RNF180: variants seen among roughly 807,000 people sequenced by gnomAD.
RNF180 encodes the protein E3 ubiquitin-protein ligase RNF180.
In RNF180, 38 loss-of-function variants were observed where a neutral mutation model predicts 59.2. The ratio of observed to expected loss-of-function variants is 0.64; its 90% CI spans 0.50 to 0.84. The LOEUF is 0.84. Among genes scored for constraint, RNF180 ranks in the 40% least tolerant of loss-of-function variants. The pLI is 0.00. For missense variants in RNF180, 705 were observed against 700.9 expected (o/e 1.01, Z -0.07); for synonymous variants, 262 against 240.3 (o/e 1.09, Z -0.84).
intron 5 of RNF180, among the ~76,000 whole-genome samples, chr5:64,269,338 C>T (rs1461590388): frequency 2.6e-5 from 4 of 152,050 alleles, no homozygotes; most frequent in South Asian, 2.1e-4. Context: ...CCTGGGCCCA[C>T]GCAATCTGTT....
chr5:64,197,550 T>C (rs1319326728), intron 1 of RNF180, among the ~76,000 whole-genome samples: 1 of 152,174 alleles, frequency 6.6e-6, no homozygotes, highest in Non-Finnish European at 1.5e-5. Flanking sequence ...TTTACCACCA[T>C]ATAGATGCAA....
intron 2 of RNF180, among the ~76,000 whole-genome samples, chr5:64,206,756 C>T (rs1270231070): frequency 6.6e-6 from 1 of 152,118 alleles, no homozygotes; most frequent in Non-Finnish European, 1.5e-5. Flanking sequence ...TCCAATAGGA[C>T]TGTGGCTCTA....
chr5:64,213,758 G>T lies in RNF180; in HGVS notation c.432G>T (p.Gln144His). 6.2e-7 allele frequency: 1 copy of T among 1,614,140 alleles called. No individual in the cohort carries two copies. ...AATACTTGTCACATCCTAGAGTTCA[G>T]TCAGGTTGTGACAAGGAAGCTCTGC... is the stretch of plus-strand genomic sequence containing the variant. The part of the protein sequence containing the change: ...SVKYLSHPRV[Q>H]SGCDKEALLT... Residue 144 changes from glutamine (Q) to histidine (H), a missense_variant, in exon 4 of 8, where the codon CAG becomes CAT. Coordinates refer to ENST00000389100, the MANE Select transcript of RNF180 (RefSeq NM_001113561.2).
intron 5 of RNF180, among the ~76,000 whole-genome samples, chr5:64,273,804 G>T (rs1283243028): frequency 6.6e-6 from 1 of 151,906 alleles, no homozygotes; most frequent in South Asian, 2.1e-4. Flanking sequence ...TTAAATGTGA[G>T]AAGCCACTAG....
chr5:64,329,995 C>T (rs564129875), intron 6 of RNF180, among the ~76,000 whole-genome samples: 1 of 152,178 alleles, frequency 6.6e-6, no homozygotes, highest in East Asian at 1.9e-4. Flanking sequence ...AGGTGAGGGA[C>T]GATGTCCTAT....
chr5:64,255,346 C>G (rs1018582677), intron 5 of RNF180, among the ~76,000 whole-genome samples: 10 of 152,082 alleles, frequency 6.6e-5, no homozygotes, highest in Admixed American at 5.9e-4. Context: ...AATGCTATCC[C>G]CCTCGCCCCA....
intron 7 of RNF180, 57 bp from the exon 8 acceptor site, chr5:64,369,558 C>A: frequency 8.9e-7 from 1 of 1,121,538 alleles, no homozygotes; most frequent in Non-Finnish European, 1.2e-6. Context: ...TGTACAGCTT[C>A]TTTTCTGAGC....
In RNF180 at chr5:64,274,531, C is replaced by G. The variant is rs181966201; in HGVS notation, c.1228-50655C>G. Among the ~76,000 whole-genome samples, 274 of 152,036 alleles carry G rather than the reference C, an allele frequency of 1.8e-3. 1 individual carries two copies. The highest frequency in any genetic ancestry group is 6.5e-3 in the African/African-American group (268 of 41,506). On this transcript the variant is annotated intron_variant, in intron 5 of 7. Coordinates refer to ENST00000389100, the MANE Select transcript of RNF180 (RefSeq NM_001113561.2). ...TCTTGGCTGTTCTGAATTATGGAAGCAATTCTGTGGGGCCAGTTTTGTGTT... is the reference window on the plus strand; with the variant it reads ...TCTTGGCTGTTCTGAATTATGGAAGGAATTCTGTGGGGCCAGTTTTGTGTT...
chr5:64,233,586 T>C lies in RNF180; in HGVS notation c.1227+16190T>C, dbSNP rs186686236. Among the ~76,000 whole-genome samples, 47 of 152,298 alleles carry C rather than the reference T, an allele frequency of 3.1e-4. No individual in the cohort carries two copies. In the East Asian group the frequency reaches 7.5e-3, roughly 24 times the overall value. On this transcript the variant is annotated intron_variant, in intron 5 of 7. Transcript: ENST00000389100. Reference sequence around the variant, plus strand: ...CCACTGAGAAGAAGCTATAGACCAATGTGTATTGAGTAATATACGCCAAAA... The same window carrying C: ...CCACTGAGAAGAAGCTATAGACCAACGTGTATTGAGTAATATACGCCAAAA...
intron 7 of RNF180, among the ~76,000 whole-genome samples, chr5:64,350,917 TTAAAG>T (rs1279015147): frequency 1.3e-5 from 2 of 152,086 alleles, no homozygotes; most frequent in African/African-American, 2.4e-5. Context: ...TATATGAACT[TTAAAG>T]TAGTTTTTTC....
At chr5:64,256,651 G>T (rs1743985338) in intron 5 of RNF180, among the ~76,000 whole-genome samples, 1 of 152,192 alleles carries the variant, frequency 6.6e-6, no homozygotes, top group African/African-American at 2.4e-5. Flanking sequence ...CTCCAGCTTT[G>T]TTCTTTTGGC....
At chr5:64,180,051 A>C (rs1159770616) in intron 1 of RNF180, among the ~76,000 whole-genome samples, 4 of 152,156 alleles carry the variant, frequency 2.6e-5, no homozygotes, top group Non-Finnish European at 5.9e-5. Context: ...CTGCACTTCC[A>C]TACTCCTTGT....
At chr5:64,259,315 A>G (rs1744177130) in intron 5 of RNF180, among the ~76,000 whole-genome samples, 1 of 152,202 alleles carries the variant, frequency 6.6e-6, no homozygotes, top group African/African-American at 2.4e-5. Context: ...TGGGGGGAAC[A>G]GTGAAAGAAT....
At chr5:64,365,158 T>A (rs1746399357) in intron 7 of RNF180, among the ~76,000 whole-genome samples, 1 of 151,612 alleles carries the variant, frequency 6.6e-6, no homozygotes, top group Non-Finnish European at 1.5e-5. Flanking sequence ...TAATTTCAGA[T>A]CTTTCTAACT....
chr5:64,224,961 C>A (rs1179428047), intron 5 of RNF180, among the ~76,000 whole-genome samples: 1 of 152,206 alleles, frequency 6.6e-6, no homozygotes, highest in Non-Finnish European at 1.5e-5. Flanking sequence ...AAATGCTGGT[C>A]CCTTGACCTT....
intron 1 of RNF180, among the ~76,000 whole-genome samples, chr5:64,171,902 G>C (rs1297529335): frequency 6.6e-6 from 1 of 152,180 alleles, no homozygotes; most frequent in African/African-American, 2.4e-5. Flanking sequence ...GTAGCAGGGA[G>C]CATGTCTTAC....
chr5:64,236,606 AC>A (rs1318689333), intron 5 of RNF180, among the ~76,000 whole-genome samples: 1 of 152,162 alleles, frequency 6.6e-6, no homozygotes, highest in Non-Finnish European at 1.5e-5. Context: ...AATATTAATA[AC>A]CAAGACAATG....
At chr5:64,213,231 C>T (rs1156367643) in intron 3 of RNF180, among the ~76,000 whole-genome samples, 1 of 152,158 alleles carries the variant, frequency 6.6e-6, no homozygotes, top group Non-Finnish European at 1.5e-5. Flanking sequence ...TGATTTGCTT[C>T]CTGGTTCCAT....
At chr5:64,180,353 A>C (rs1750504601) in intron 1 of RNF180, among the ~76,000 whole-genome samples, 1 of 152,196 alleles carries the variant, frequency 6.6e-6, no homozygotes, top group South Asian at 2.1e-4. Context: ...GCAGGGTATA[A>C]ATAAATAAAT....
Sources: gnomAD v4.1 joint callset for allele counts (sites outside exome capture counted in the v4.1 genomes callset) on GRCh38, gnomAD v4.1.1 for gene constraint, MANE v1.5 for transcripts, NCBI Gene and HGNC (gene_info 2026-07-23, HGNC 2026-07-21) for gene names.